CMTM4: variants seen among roughly 807,000 people sequenced by gnomAD.
The protein encoded by CMTM4 is CKLF like MARVEL transmembrane domain containing 4, also known as CKLF-like MARVEL transmembrane domain-containing protein 4.
CMTM4 carries 8 observed loss-of-function variants against 19.0 expected under a neutral mutation model. The observed-to-expected ratio is 0.42, with a 90% CI of 0.25 to 0.76. The LOEUF is 0.76. CMTM4 is among the 30% of genes least tolerant of loss of function. The pLI, the probability that CMTM4 is intolerant of heterozygous loss-of-function variation, is 0.27. For synonymous variants in CMTM4, 106 were observed against 121.1 expected (o/e 0.88, Z 0.82); for missense variants, 228 against 290.2 (o/e 0.79, Z 1.56).
At chr16:66,609,202 A>G in the CMTM4 span, among the ~76,000 whole-genome samples, 1 of 152,120 alleles carries the variant, frequency 6.6e-6, no homozygotes, top group Non-Finnish European at 1.5e-5. This position sits in a 1 kb window ranked among gnomAD's most constrained non-coding sequence, Gnocchi z 4.4. Flanking sequence ...TTTTGCCCAG[A>G]GCTTAGGACA....
In CMTM4 at chr16:66,679,243, G is replaced by A. The variant is rs997938081; in HGVS notation, c.186+17097C>T. On this transcript the variant is annotated intron_variant, in intron 1 of 3. Coordinates refer to ENST00000394106, the MANE Select transcript of CMTM4 (RefSeq NM_181521.3). The stretch of plus-strand genomic sequence containing the variant: ...TCCAACCCCAAACACTTTGAAGTCT[G>A]CTGGCAAGAAGGATGACAATCAAGT... Among the ~76,000 whole-genome samples, 25 of 152,114 alleles carry A rather than the reference G, an allele frequency of 1.6e-4. 1 individual carries two copies. The highest frequency in any genetic ancestry group is 1.4e-3 in the Admixed American group (22 of 15,254).
At chr16:66,683,286 C>CTTTTTTTT (rs781263895) in intron 1 of CMTM4, among the ~76,000 whole-genome samples, 12 of 78,842 alleles carry the variant, frequency 1.5e-4, no homozygotes, top group African/African-American at 3.0e-4. Context: ...TTTTTCTTTT[C>CTTTTTTTT]TTTTTTTTTT....
Position 66,618,281 on chromosome 16 carries a change from T to A in CMTM4, c.*3777A>T. The A allele has an allele frequency of 2.0e-6, 2 of 985,474 alleles. No homozygotes were observed. The highest frequency in any genetic ancestry group is 2.4e-6 in the Non-Finnish European group (2 of 829,940). 61.0% of individuals were successfully genotyped at this position (985,474 alleles called of 1,614,324 possible). On this transcript the variant is annotated 3_prime_UTR_variant, in exon 4 of 4. Transcript: ENST00000394106. ...TTCTGATACCTGTTTAACGTCATTA[T>A]TACTCTGTAAACAAGATCTGGAGAA...
intron 1 of CMTM4, among the ~76,000 whole-genome samples, chr16:66,684,452 C>G (rs941999045): frequency 2.0e-5 from 3 of 152,130 alleles, no homozygotes; most frequent in African/African-American, 7.2e-5. Context: ...GCTGGGATTA[C>G]AGGCATGAGC....
In CMTM4 at chr16:66,619,169, A is replaced by G; in HGVS notation, c.*2889T>C. 1.0e-6 allele frequency: 1 copy of G among 985,470 alleles called. No homozygotes were observed. The highest frequency in any genetic ancestry group is 1.2e-6 in the Non-Finnish European group (1 of 829,918). The allele number at this position is 985,470 out of a possible 1,614,324, so 61.0% of individuals were successfully genotyped here. A position where few individuals can be genotyped will look rare whatever the true frequency, so the allele number is the denominator to read the frequency against. ...AATCCCTCTTTAAGGCAGGGAAAAC[A>G]TATTTCCCTCCCATGCCTTCAGCAG... On this transcript the variant is annotated 3_prime_UTR_variant, in exon 4 of 4. Coordinates refer to ENST00000394106, the MANE Select transcript of CMTM4 (RefSeq NM_181521.3).
chr16:66,628,187 C>T lies in CMTM4; in HGVS notation c.364-4685G>A, dbSNP rs2015781358. On this transcript the variant is annotated intron_variant, in intron 2 of 3. Transcript: ENST00000394106. ...CCTATCTCAGAATTGAACAAATGTA[C>T]AATCAGGTTTTATACCGAGACATTC... Among the ~76,000 whole-genome samples the T allele has an allele frequency of 2.0e-5, 3 of 152,364 alleles. No individual in the cohort carries two copies. In the South Asian group the frequency reaches 6.2e-4, roughly 32 times the overall value.
the CMTM4 span, among the ~76,000 whole-genome samples, chr16:66,609,187 C>T: frequency 6.6e-6 from 1 of 152,244 alleles, no homozygotes; most frequent in Non-Finnish European, 1.5e-5. This position sits in a 1 kb window ranked among gnomAD's most constrained non-coding sequence, Gnocchi z 4.4. Context: ...CTGATCCACA[C>T]AGTTTTTTGC....
At position 66,621,825 on chromosome 16, in the gene CMTM4, C is replaced by T. The variant is rs776324513; in HGVS notation, c.*233G>A. ...CAGGGCAGGTAAGACCTCAAGTGGA[C>T]CTGGGCAGTGACGCCGGCTGCTCCA... On this transcript the variant is annotated 3_prime_UTR_variant, in exon 4 of 4. Coordinates refer to ENST00000394106, the MANE Select transcript of CMTM4 (RefSeq NM_181521.3). 14 of 1,375,352 alleles carry T rather than the reference C, an allele frequency of 1.0e-5. No individual in the cohort carries two copies. Among genetic ancestry groups the T allele is most frequent in the Admixed American group, 9.0e-5 (3 of 33,466 alleles). 85.2% of individuals were successfully genotyped at this position (1,375,352 alleles called of 1,614,324 possible).
the CMTM4 span, among the ~76,000 whole-genome samples, chr16:66,600,136 G>GTGTGGTTT: frequency 2.4e-3 from 329 of 135,084 alleles, 3 homozygotes; most frequent in African/African-American, 8.8e-3. Flanking sequence ...GTGTGTGTGT[G>GTGTGGTTT]TTTTTTTTTG....
chr16:66,659,493 T>C (rs1349602102), intron 1 of CMTM4, among the ~76,000 whole-genome samples: 1 of 152,144 alleles, frequency 6.6e-6, no homozygotes, highest in East Asian at 1.9e-4. Flanking sequence ...ATGAGGGCTG[T>C]TGTAAGATTA....
chr16:66,685,618 A>C (rs2017016462), intron 1 of CMTM4, among the ~76,000 whole-genome samples: 1 of 151,946 alleles, frequency 6.6e-6, no homozygotes, highest in Admixed American at 6.6e-5. Context: ...GGAGTGCCAT[A>C]ACCTGGGAAA....
At chr16:66,637,199 CACA>C (rs1196943284) in intron 1 of CMTM4, among the ~76,000 whole-genome samples, 2 of 152,174 alleles carry the variant, frequency 1.3e-5, no homozygotes, top group Admixed American at 6.5e-5. Flanking sequence ...TGAACTTGAT[CACA>C]ACAAGATGGC....
chr16:66,686,231 T>G (rs1596964521), intron 1 of CMTM4, among the ~76,000 whole-genome samples: 5 of 118,382 alleles, frequency 4.2e-5, no homozygotes, highest in African/African-American at 3.3e-5. Context: ...TCCAGCCTGG[T>G]GACAGAGCAA....
downstream of CMTM4, chr16:66,613,100 C>T (rs748098456): frequency 1.7e-5 from 12 of 702,950 alleles, no homozygotes; most frequent in Non-Finnish European, 3.1e-5. Flanking sequence ...CTCCTGCCCA[C>T]ACCAGCCACT....
chr16:66,639,146 T>C (rs2016054616), intron 1 of CMTM4, among the ~76,000 whole-genome samples: 1 of 152,210 alleles, frequency 6.6e-6, no homozygotes, highest in Non-Finnish European at 1.5e-5. Flanking sequence ...TAATTCTCCA[T>C]CTGAATTACA....
At chr16:66,604,985 A>G in the CMTM4 span, 2 of 1,441,336 alleles carry the variant, frequency 1.4e-6, no homozygotes, top group African/African-American at 1.5e-5. Flanking sequence ...CCGCCCCGCT[A>G]GGACTGCGCG....
chr16:66,621,209 C>T lies in CMTM4; in HGVS notation c.*849G>A, dbSNP rs1353455722. On this transcript the variant is annotated 3_prime_UTR_variant, in exon 4 of 4. Coordinates refer to ENST00000394106, the MANE Select transcript of CMTM4 (RefSeq NM_181521.3). The stretch of plus-strand genomic sequence containing the variant: ...TGTTTTTTAACACAAACACCTCCCA[C>T]CTGCGGTTCATGAAGCCAGCAAATG... 1 of 985,532 alleles carries T rather than the reference C, an allele frequency of 1.0e-6. No homozygotes were observed. Among genetic ancestry groups the T allele is most frequent in the African/African-American group, 1.7e-5 (1 of 57,256 alleles). 61.0% of individuals were successfully genotyped at this position (985,532 alleles called of 1,614,324 possible). A position where few individuals can be genotyped will look rare whatever the true frequency, so the allele number is the denominator to read the frequency against.
rs551672670 is a variant in CMTM4 at position 66,643,641 on chromosome 16, C to T, written c.187-7060G>A. 3.3e-5 allele frequency among the ~76,000 whole-genome samples: 5 copies of T among 152,302 alleles called. No homozygotes were observed. The South Asian group carries it at 6.2e-4, about 19-fold the overall frequency. ...TGTATGCAACTATAAATGCACTAAA[C>T]GTTTTCTCCCTTTTTTGATGGGAGC... is the stretch of plus-strand genomic sequence containing the variant. On this transcript the variant is annotated intron_variant, in intron 1 of 3. Transcript: ENST00000394106.
downstream of CMTM4, among the ~76,000 whole-genome samples, chr16:66,611,713 G>A (rs932921906): frequency 6.6e-5 from 10 of 152,262 alleles, no homozygotes; most frequent in African/African-American, 2.4e-4. Flanking sequence ...TCCTTCTGGG[G>A]TGGAGGTTCC....
Sources: allele counts gnomAD v4.1 joint callset (sites outside exome capture counted in the v4.1 genomes callset), GRCh38; gene constraint gnomAD v4.1.1; non-coding constraint Gnocchi (gnomAD v3.1); transcripts MANE v1.5; gene names NCBI Gene and HGNC (gene_info 2026-07-23, HGNC 2026-07-21).